EYS: variants seen among roughly 807,000 people sequenced by gnomAD.
The protein encoded by EYS is protein eyes shut homolog.
EYS carries 250 observed loss-of-function variants against 282.1 expected under a neutral mutation model. The ratio of observed to expected loss-of-function variants is 0.89; its 90% CI spans 0.80 to 0.98. The LOEUF (loss-of-function observed/expected upper bound fraction) is 0.98. EYS is among the 50% of genes least tolerant of loss of function. The pLI is 0.00. For synonymous variants in EYS, 1,355 were observed against 1,282.9 expected, an observed-to-expected ratio of 1.06 and a Z score of -1.20; for missense variants, 4,016 against 3,709.0, an observed-to-expected ratio of 1.08 and a Z score of -2.15.
intron 35 of EYS, among the ~76,000 whole-genome samples, chr6:63,973,078 G>A (rs1191186307): frequency 6.6e-6 from 1 of 151,956 alleles, no homozygotes; most frequent in Non-Finnish European, 1.5e-5. Context: ...CCCAGTAATA[G>A]GATTGCTGGG....
At chr6:63,845,986 C>A (rs1428346130) in intron 36 of EYS, among the ~76,000 whole-genome samples, 1 of 152,132 alleles carries the variant, frequency 6.6e-6, no homozygotes, top group African/African-American at 2.4e-5. Context: ...TAAAGATGCA[C>A]TTTTCTCAGA....
chr6:64,294,331 T>C (rs1484566533), intron 30 of EYS, among the ~76,000 whole-genome samples: 1 of 152,188 alleles, frequency 6.6e-6, no homozygotes, highest in African/African-American at 2.4e-5. Flanking sequence ...GATCATGCTA[T>C]TCTAAAAATT....
intron 2 of EYS, among the ~76,000 whole-genome samples, chr6:65,536,319 CAG>C (rs1051806658): frequency 7.3e-6 from 1 of 137,822 alleles, no homozygotes; most frequent in Non-Finnish European, 1.5e-5. Context: ...GAAGGAGTAG[CAG>C]AGATTTTTTT....
At chr6:64,658,154 G>A (rs2149884465) in intron 22 of EYS, among the ~76,000 whole-genome samples, 1 of 152,240 alleles carries the variant, frequency 6.6e-6, no homozygotes, top group South Asian at 2.1e-4. Context: ...ATCGGCTACT[G>A]AGGCTTGTGC....
At chr6:63,990,169 T>TA (rs1324315686) in intron 34 of EYS, among the ~76,000 whole-genome samples, 2 of 151,548 alleles carry the variant, frequency 1.3e-5, no homozygotes, top group Non-Finnish European at 3.0e-5. Context: ...AATTAAATAA[T>TA]AAAAAAATTT....
chr6:64,340,588 T>A (rs1367435910), intron 29 of EYS, among the ~76,000 whole-genome samples: 4 of 151,818 alleles, frequency 2.6e-5, no homozygotes, highest in African/African-American at 9.7e-5. Context: ...GATTAAAGAT[T>A]TAAATATAAG....
intron 1 of EYS, among the ~76,000 whole-genome samples, chr6:65,688,398 G>A (rs1769110920): frequency 6.6e-6 from 1 of 152,142 alleles, no homozygotes; most frequent in South Asian, 2.1e-4. Context: ...AGCTGAAACT[G>A]GATCCCTTCC....
At chr6:64,890,045 G>GCC (rs34002004) in intron 18 of EYS, among the ~76,000 whole-genome samples, 2,066 of 140,118 alleles carry the variant, frequency 0.015, 150 homozygotes, top group African/African-American at 0.055. Context: ...GCCTATAAAT[G>GCC]CCCCCCCCCC....
intron 30 of EYS, among the ~76,000 whole-genome samples, chr6:64,279,167 T>A (rs1582526855): frequency 6.6e-6 from 1 of 152,342 alleles, no homozygotes; most frequent in East Asian, 1.9e-4. Flanking sequence ...TTATGATTTC[T>A]TATACATTGA....
At chr6:65,488,105 T>A (rs948926986) in intron 5 of EYS, among the ~76,000 whole-genome samples, 6 of 152,176 alleles carry the variant, frequency 3.9e-5, no homozygotes, top group Admixed American at 3.3e-4. Flanking sequence ...ATCTATTTTG[T>A]TGATCTTTTC....
At chr6:64,165,336 T>C (rs1350277376) in intron 31 of EYS, among the ~76,000 whole-genome samples, 1 of 152,080 alleles carries the variant, frequency 6.6e-6, no homozygotes, top group Non-Finnish European at 1.5e-5. Flanking sequence ...ATGATTTTAA[T>C]TTATAATTAA....
chr6:65,503,952 A>G (rs1562227089), intron 2 of EYS, among the ~76,000 whole-genome samples: 2 of 151,746 alleles, frequency 1.3e-5, no homozygotes, highest in South Asian at 2.1e-4. Context: ...TTGCCTTACC[A>G]TAAAAACTCT....
chr6:65,592,529 A>G (rs1391759506), intron 2 of EYS, among the ~76,000 whole-genome samples: 1 of 152,018 alleles, frequency 6.6e-6, no homozygotes. Flanking sequence ...TATCATGAGC[A>G]GGTATAGGAT....
intron 1 of EYS, among the ~76,000 whole-genome samples, chr6:65,698,704 C>T (rs180820756): frequency 5.6e-4 from 85 of 152,254 alleles, no homozygotes; most frequent in Non-Finnish European, 9.1e-4. Flanking sequence ...AAAACATTTA[C>T]CATGCTGCAG....
intron 31 of EYS, among the ~76,000 whole-genome samples, chr6:64,139,040 T>C (rs1774254005): frequency 6.6e-6 from 1 of 151,908 alleles, no homozygotes; most frequent in Non-Finnish European, 1.5e-5. Flanking sequence ...AGATAAAGAG[T>C]TGGCCTGGGG....
chr6:65,412,384 T>C (rs755556011), intron 5 of EYS, among the ~76,000 whole-genome samples: 3 of 152,172 alleles, frequency 2.0e-5, no homozygotes, highest in East Asian at 1.9e-4. Flanking sequence ...GGTTAAGGCA[T>C]GTATAGTTTT....
intron 1 of EYS, among the ~76,000 whole-genome samples, chr6:65,674,249 C>A: frequency 6.6e-6 from 1 of 151,064 alleles, no homozygotes; most frequent in African/African-American, 2.4e-5. Context: ...AGAAAACTTC[C>A]CAAATTGGGG....
intron 14 of EYS, among the ~76,000 whole-genome samples, chr6:64,954,362 T>G (rs993181813): frequency 2.2e-4 from 34 of 152,150 alleles, no homozygotes; most frequent in Non-Finnish European, 4.6e-4. Context: ...GTCATTGATG[T>G]GTACTGCTCA....
intron 13 of EYS, among the ~76,000 whole-genome samples, chr6:65,056,502 A>G (rs1419705556): frequency 6.6e-6 from 1 of 152,018 alleles, no homozygotes; most frequent in Admixed American, 6.6e-5. Context: ...TAAGGGGAGG[A>G]TCACTTAAGC....
Sources: allele counts gnomAD v4.1 joint callset (sites outside exome capture counted in the v4.1 genomes callset), GRCh38; gene constraint gnomAD v4.1.1; transcripts MANE v1.5; gene names NCBI Gene and HGNC (gene_info 2026-07-23, HGNC 2026-07-21).